Variants in SEC24B observed in about 807,000 individuals in gnomAD.
The protein encoded by SEC24B is protein transport protein Sec24B.
SEC24B carries 45 observed loss-of-function variants against 142.8 expected under a neutral mutation model. The ratio of observed to expected loss-of-function variants is 0.32; its 90% CI spans 0.25 to 0.40. The LOEUF (loss-of-function observed/expected upper bound fraction) is 0.40. SEC24B is among the 10% of genes least tolerant of loss of function. The pLI, the probability that SEC24B is intolerant of heterozygous loss-of-function variation, is 1.00. For missense variants in SEC24B, 1,409 were observed against 1,526.8 expected (o/e 0.92, Z 1.29); for synonymous variants, 574 against 568.2 (o/e 1.01, Z -0.15).
At chr4:109,519,652 C>T (rs930053631) in intron 11 of SEC24B, among the ~76,000 whole-genome samples, 1 of 152,198 alleles carries the variant, frequency 6.6e-6, no homozygotes, top group African/African-American at 2.4e-5. Context: ...ATTCACCATA[C>T]TGGTAAGCTG....
intron 19 of SEC24B, among the ~76,000 whole-genome samples, chr4:109,531,179 T>C (rs1724890936): frequency 1.3e-5 from 2 of 152,200 alleles, no homozygotes. Context: ...TTTTCCCTAT[T>C]TTTCTCATGA....
chr4:109,539,157 T>G, intron 23 of SEC24B, among the ~76,000 whole-genome samples: 1 of 152,126 alleles, frequency 6.6e-6, no homozygotes, highest in East Asian at 1.9e-4. Flanking sequence ...AGACAGGGTT[T>G]CACCATGTTG....
chr4:109,513,240 C>T (rs1315441807), intron 9 of SEC24B, among the ~76,000 whole-genome samples: 1 of 150,462 alleles, frequency 6.6e-6, no homozygotes, highest in East Asian at 2.0e-4. Flanking sequence ...TCCCAAAATG[C>T]TGGGATTATA....
intron 2 of SEC24B, among the ~76,000 whole-genome samples, chr4:109,471,995 T>A (rs1461278344): frequency 1.3e-5 from 2 of 152,220 alleles, no homozygotes; most frequent in African/African-American, 4.8e-5. Flanking sequence ...AATGATAGTT[T>A]GTCTTCCTAC....
At chr4:109,462,426 T>C (rs1731358137) in intron 1 of SEC24B, among the ~76,000 whole-genome samples, 1 of 152,286 alleles carries the variant, frequency 6.6e-6, no homozygotes, top group South Asian at 2.1e-4. Context: ...AAGATTCTAC[T>C]GAGTTTGGAG....
At chr4:109,500,972 T>G (rs1736069057) in intron 6 of SEC24B, among the ~76,000 whole-genome samples, 1 of 152,108 alleles carries the variant, frequency 6.6e-6, no homozygotes, top group Admixed American at 6.6e-5. Context: ...AACTATATTT[T>G]TATAGGTTTG....
At chr4:109,489,207 G>A in intron 4 of SEC24B, among the ~76,000 whole-genome samples, 1 of 151,972 alleles carries the variant, frequency 6.6e-6, no homozygotes, top group Non-Finnish European at 1.5e-5. Context: ...TGTATTCTAA[G>A]AGTTTTATAG....
At chr4:109,434,698 G>A (rs1339892503) in intron 1 of SEC24B, among the ~76,000 whole-genome samples, 1 of 152,208 alleles carries the variant, frequency 6.6e-6, no homozygotes, top group Non-Finnish European at 1.5e-5. Context: ...TTGAAAGGGA[G>A]CAGATGTAAA....
intron 1 of SEC24B, among the ~76,000 whole-genome samples, chr4:109,459,277 T>C (rs1731019098): frequency 6.6e-6 from 1 of 152,180 alleles, no homozygotes; most frequent in African/African-American, 2.4e-5. Flanking sequence ...ACTGGAATCA[T>C]AGACATATGC....
chr4:109,457,784 G>C (rs1730832333), intron 1 of SEC24B, among the ~76,000 whole-genome samples: 1 of 152,150 alleles, frequency 6.6e-6, no homozygotes, highest in South Asian at 2.1e-4. Context: ...CCTTCTCTCT[G>C]TTTATGTGTA....
chr4:109,535,584 C>A (rs1725441904), intron 22 of SEC24B, among the ~76,000 whole-genome samples: 1 of 150,354 alleles, frequency 6.7e-6, no homozygotes, highest in African/African-American at 2.4e-5. Context: ...CGCGGTGGCT[C>A]ATGCCTGTAA....
At chr4:109,530,667 C>T (rs1180052646) in intron 19 of SEC24B, among the ~76,000 whole-genome samples, 3 of 151,794 alleles carry the variant, frequency 2.0e-5, no homozygotes, top group Admixed American at 6.6e-5. Flanking sequence ...TTTGGGAGGC[C>T]GAGGTGTGCG....
chr4:109,435,851 G>A (rs1472147192), intron 1 of SEC24B, among the ~76,000 whole-genome samples: 1 of 152,194 alleles, frequency 6.6e-6, no homozygotes, highest in Non-Finnish European at 1.5e-5. Flanking sequence ...GTTTGAATTG[G>A]TTCTGGCTAG....
chr4:109,433,973 G>A lies in SEC24B; in HGVS notation c.104G>A (p.Gly35Asp). ...GGAGCCGCAGCGCCCGCGGGCCCGG[G>A]TGCGGGCCCGGCGCCGCACCAGCAG... is the stretch of plus-strand genomic sequence containing the variant. ...VSGAAAPAGP[G>D]AGPAPHQQNG... The change falls in exon 1 of 24, where the codon GGT (glycine) becomes GAT (aspartate). Residue 35 changes from glycine to aspartate, a missense_variant. By Grantham distance (94) the Gly-to-Asp change is moderately conservative. Transcript: ENST00000265175. 4.9e-6 allele frequency: 6 copies of A among 1,215,912 alleles called. No individual in the cohort carries two copies. Among genetic ancestry groups the A allele is most frequent in the Non-Finnish European group, 6.1e-6 (6 of 979,178 alleles). The allele number at this position is 1,215,912 out of a possible 1,614,324, so 75.3% of individuals were successfully genotyped here.
intron 3 of SEC24B, among the ~76,000 whole-genome samples, chr4:109,480,546 A>G (rs1733634271): frequency 6.6e-6 from 1 of 152,146 alleles, no homozygotes; most frequent in Admixed American, 6.5e-5. Flanking sequence ...CAATGGCACA[A>G]TCTCTGCTCA....
chr4:109,473,135 G>A lies in SEC24B; in HGVS notation c.1009G>A (p.Val337Ile), dbSNP rs1732711707. 1 of 1,597,148 alleles carries A rather than the reference G, an allele frequency of 6.3e-7. No homozygotes were observed. Among genetic ancestry groups the A allele is most frequent in the Non-Finnish European group, 8.5e-7 (1 of 1,172,024 alleles). ...TRTPPTANHP[V>I]EPVTSVTQPS... ...AACACCTCCCACTGCAAATCACCCA[G>A]TTGAGCCTGTGACCTCAGTTACACA... Residue 337 changes from valine to isoleucine, a missense_variant, in exon 3 of 24, where the codon GTT (valine) becomes ATT (isoleucine). This residue lies in a region of SEC24B where 709 missense variants were observed against 673.5 expected (regional missense o/e 1.05). Transcript: ENST00000265175.
At chr4:109,477,290 A>G (rs1322002416) in intron 3 of SEC24B, among the ~76,000 whole-genome samples, 2 of 151,954 alleles carry the variant, frequency 1.3e-5, no homozygotes, top group African/African-American at 2.4e-5. Flanking sequence ...ACCATGGCCA[A>G]TATAGCTTAC....
chr4:109,500,842 A>C lies in SEC24B; in HGVS notation c.1489-5486A>C, dbSNP rs151004376. Among the ~76,000 whole-genome samples, 485 of 152,196 alleles carry C rather than the reference A, an allele frequency of 3.2e-3. 5 individuals carry two copies. Among genetic ancestry groups the C allele is most frequent in the African/African-American group, 0.011 (462 of 41,540 alleles). On this transcript the variant is annotated intron_variant, in intron 6 of 23. Transcript: ENST00000265175. ...CCCGGCTAATTTCTGTATTTTTAGT[A>C]GAGATGGGGTTTCACCATGTTATTC... is the stretch of plus-strand genomic sequence containing the variant.
chr4:109,434,065 C>T (rs1728129437), intron 1 of SEC24B, 63 bp downstream of exon 1: 10 of 1,004,986 alleles, frequency 1.0e-5, no homozygotes, highest in Non-Finnish European at 1.1e-5. Flanking sequence ...TGCACGGCCA[C>T]ATCGGGGCGG....
Sources: gnomAD v4.1 joint callset for allele counts (sites outside exome capture counted in the v4.1 genomes callset) on GRCh38, gnomAD v4.1.1 for gene constraint, gnomAD v4.1.1 regional missense constraint, MANE v1.5 for transcripts, NCBI Gene and HGNC (gene_info 2026-07-23, HGNC 2026-07-21) for gene names.